The following DNAH3 variants were observed in gnomAD, a reference collection of about 807,000 sequenced individuals.
DNAH3 encodes the protein dynein axonemal heavy chain 3, also known as axonemal beta dynein heavy chain 3.
Under a neutral mutation model 432.5 loss-of-function variants are expected in DNAH3, and 332 were observed. That is an observed-to-expected ratio of 0.77 (90% CI 0.70 to 0.84). The LOEUF is 0.84. Ranked by LOEUF, DNAH3 falls within the 40% of genes least tolerant of loss-of-function variation. The probability of loss-of-function intolerance (pLI) is 0.00; values close to 1 mark genes in which losing one functional copy is unlikely to be tolerated. For missense variants in DNAH3, 4,861 were observed against 5,114.0 expected, an observed-to-expected ratio of 0.95 and a Z score of 1.51; for synonymous variants, 1,956 against 1,900.2, an observed-to-expected ratio of 1.03 and a Z score of -0.76.
At chr16:21,136,003 T>C (rs2092637310) in intron 6 of DNAH3, among the ~76,000 whole-genome samples, 1 of 152,084 alleles carries the variant, frequency 6.6e-6, no homozygotes, top group African/African-American at 2.4e-5. Flanking sequence ...ATATGTGAAG[T>C]GCTGGTGTAG....
chr16:21,150,000 C>A (rs943050997), intron 1 of DNAH3, among the ~76,000 whole-genome samples: 2 of 151,858 alleles, frequency 1.3e-5, no homozygotes, highest in Non-Finnish European at 2.9e-5. Flanking sequence ...CTGAGGCAGG[C>A]GGATCTCCTG....
intron 52 of DNAH3, among the ~76,000 whole-genome samples, chr16:20,966,473 G>A (rs988895610): frequency 3.3e-5 from 5 of 152,052 alleles, no homozygotes; most frequent in African/African-American, 4.8e-5. Context: ...CCCCCTCCCC[G>A]CTGCACCAGC....
chr16:21,004,679 CTT>C (rs1052205157), intron 41 of DNAH3, among the ~76,000 whole-genome samples: 18 of 151,824 alleles, frequency 1.2e-4, no homozygotes, highest in Non-Finnish European at 2.1e-4. Context: ...TTCCCCGTCT[CTT>C]TCTTTCCTTC....
chr16:21,149,540 C>T (rs2092827629), intron 1 of DNAH3, among the ~76,000 whole-genome samples: 1 of 152,186 alleles, frequency 6.6e-6, no homozygotes, highest in South Asian at 2.1e-4. Flanking sequence ...AAATGCTCGT[C>T]TGAGGACGTG....
intron 40 of DNAH3, 59 bp downstream of exon 40, chr16:21,021,912 A>G (rs990370911): frequency 9.5e-6 from 15 of 1,574,398 alleles, no homozygotes; most frequent in Middle Eastern, 1.7e-4. Flanking sequence ...CAAAAAAAAA[A>G]GAAATAGCCA....
intron 14 of DNAH3, among the ~76,000 whole-genome samples, chr16:21,110,738 C>T (rs2092050675): frequency 6.6e-6 from 1 of 152,118 alleles, no homozygotes; most frequent in African/African-American, 2.4e-5. Context: ...AACATGGTGG[C>T]TCACACCTGT....
chr16:20,993,341 A>C (rs1324660625), intron 44 of DNAH3, among the ~76,000 whole-genome samples: 1 of 152,200 alleles, frequency 6.6e-6, no homozygotes, highest in African/African-American at 2.4e-5. Flanking sequence ...TCTTAGTTCA[A>C]CAAATAACCA....
exon 53 of DNAH3, chr16:20,964,485 C>G (rs2084961788): frequency 6.2e-7 from 1 of 1,614,076 alleles, no homozygotes; most frequent in Non-Finnish European, 8.5e-7. Flanking sequence ...AAGCATCCAG[C>G]TCTTCTCCAA....
chr16:21,127,772 C>G, exon 8 of DNAH3: 5 of 1,614,152 alleles, frequency 3.1e-6, no homozygotes, highest in South Asian at 2.2e-5. Context: ...AATTTTCCCG[C>G]TAGTATTTCT....
exon 49 of DNAH3, chr16:20,982,768 A>G: frequency 6.2e-7 from 1 of 1,614,168 alleles, no homozygotes. Flanking sequence ...GAAATTTGTT[A>G]GCCACCAACT....
At chr16:20,979,692 CAG>C in intron 49 of DNAH3, 146 bp from the exon 50 acceptor site, 1 of 702,930 alleles carries the variant, frequency 1.4e-6, no homozygotes, top group Non-Finnish European at 2.4e-6. Context: ...GACATGTCAA[CAG>C]AGCTGAGGCA....
chr16:20,996,974 C>T (rs563097029), intron 44 of DNAH3: 1 of 286,100 alleles, frequency 3.5e-6, no homozygotes, highest in East Asian at 6.4e-5. Context: ...TCATGCACCC[C>T]TAGTTGAGGC....
intron 51 of DNAH3, among the ~76,000 whole-genome samples, chr16:20,974,967 C>T (rs900278936): frequency 6.8e-6 from 1 of 147,428 alleles, no homozygotes; most frequent in Non-Finnish European, 1.5e-5. Context: ...TACAGATGCA[C>T]GCCACCACAC....
intron 54 of DNAH3, among the ~76,000 whole-genome samples, chr16:20,957,864 ATT>A (rs1474017597): frequency 2.2e-5 from 3 of 137,936 alleles, no homozygotes; most frequent in African/African-American, 5.3e-5. Flanking sequence ...ATCCCTGAAC[ATT>A]TGAGTTAAAA....
chr16:21,085,669 CCTGA>C (rs72362169), intron 19 of DNAH3, among the ~76,000 whole-genome samples: 6,361 of 152,028 alleles, frequency 0.042, 442 homozygotes, highest in African/African-American at 0.14. Flanking sequence ...ACAAAAAGAC[CCTGA>C]CTCTCTCATG....
In DNAH3 at chr16:21,116,960, G is replaced by C. The variant is rs533024022; in HGVS notation, c.1814+243C>G. 9.9e-5 allele frequency among the ~76,000 whole-genome samples: 15 copies of C among 152,284 alleles called. No individual in the cohort carries two copies. The East Asian group carries it at 2.9e-3, about 29-fold the overall frequency. Reference sequence around the variant, plus strand: ...GGCTTCACAACTATCAGATAATGGAGGTGGATCTGTAATTGAATTTGAATC... The same window carrying C: ...GGCTTCACAACTATCAGATAATGGACGTGGATCTGTAATTGAATTTGAATC... On this transcript the variant is annotated intron_variant, in intron 12 of 61. Coordinates refer to ENST00000261383, the Ensembl canonical transcript of DNAH3.
Position 21,124,963 on chromosome 16 carries a change from T to TTGTG in DNAH3, c.1404+208_1404+211dup, listed in dbSNP as rs145787563. Among the ~76,000 whole-genome samples, 408 of 151,688 alleles carry TTGTG rather than the reference T, an allele frequency of 2.7e-3. 3 individuals are homozygous for TTGTG. The highest frequency in any genetic ancestry group is 7.3e-3 in the African/African-American group (302 of 41,360). On this transcript the variant is annotated intron_variant, in intron 9 of 61. Coordinates refer to ENST00000261383, the Ensembl canonical transcript of DNAH3. ...TAATGCACCCGGCCACATTTACCAT[T>TTGTG]TGTGTGTGTGTGTGTTGGGAACATT...
chr16:21,154,768 C>T (rs936076210), intron 1 of DNAH3, among the ~76,000 whole-genome samples: 1 of 152,068 alleles, frequency 6.6e-6, no homozygotes. Context: ...TGGCTTCAAC[C>T]GAAAACCTAC....
intron 32 of DNAH3, among the ~76,000 whole-genome samples, chr16:21,041,674 C>T (rs1597217579): frequency 6.6e-6 from 1 of 152,134 alleles, no homozygotes; most frequent in Middle Eastern, 3.4e-3. Context: ...TTTTCTTTCG[C>T]TTTGTTTTTT....
Sources: gnomAD v4.1 joint callset for allele counts (sites outside exome capture counted in the v4.1 genomes callset) on GRCh38, gnomAD v4.1.1 for gene constraint, MANE v1.5 for transcripts, NCBI Gene and HGNC (gene_info 2026-07-23, HGNC 2026-07-21) for gene names.